RAPGEF4: variants seen among roughly 807,000 people sequenced by gnomAD.
RAPGEF4 encodes the protein RAP guanine-nucleotide-exchange factor (GEF) 4.
RAPGEF4 carries 66 observed loss-of-function variants against 147.9 expected under a neutral mutation model. The ratio of observed to expected loss-of-function variants is 0.45; its 90% CI spans 0.37 to 0.55. RAPGEF4 has a LOEUF of 0.55. RAPGEF4 is among the 20% of genes least tolerant of loss of function. The pLI, the probability that RAPGEF4 is intolerant of heterozygous loss-of-function variation, is 0.00. For missense variants in RAPGEF4, 1,071 were observed against 1,257.3 expected (o/e 0.85, Z 2.24); for synonymous variants, 419 against 442.7 (o/e 0.95, Z 0.67).
In RAPGEF4 at chr2:172,987,789, G is replaced by A. The variant is rs192979155; in HGVS notation, c.1151-407G>A. Among the ~76,000 whole-genome samples the A allele has an allele frequency of 7.9e-4, 121 of 152,320 alleles. 1 individual carries two copies. The South Asian group carries it at 0.023, about 29-fold the overall frequency. On this transcript the variant is annotated intron_variant, in intron 12 of 30. Transcript: ENST00000397081. ...ATTCCCCATGGATACGAAGGGACAA[G>A]TGTGTGTAGGTATGTATCTGTAAAC...
At chr2:173,048,998 C>T (rs1260624223) in intron 30 of RAPGEF4, among the ~76,000 whole-genome samples, 1 of 152,198 alleles carries the variant, frequency 6.6e-6, no homozygotes, top group Non-Finnish European at 1.5e-5. Flanking sequence ...TGACTCATTG[C>T]TCCATGTTGA....
At chr2:172,996,874 C>G (rs1205580774) in intron 16 of RAPGEF4, among the ~76,000 whole-genome samples, 1 of 152,188 alleles carries the variant, frequency 6.6e-6, no homozygotes, top group Non-Finnish European at 1.5e-5. Flanking sequence ...ATACATCCTA[C>G]CTATTCCCAC....
chr2:173,024,165 C>T (rs1696403337), intron 23 of RAPGEF4, among the ~76,000 whole-genome samples: 1 of 152,082 alleles, frequency 6.6e-6, no homozygotes, highest in Non-Finnish European at 1.5e-5. Context: ...AGGTGTTGTA[C>T]TGATCACACT....
At chr2:172,973,438 A>T (rs1043346373) in intron 10 of RAPGEF4, among the ~76,000 whole-genome samples, 1 of 152,186 alleles carries the variant, frequency 6.6e-6, no homozygotes, top group South Asian at 2.1e-4. Context: ...GCAGCAAAAA[A>T]ATAATATTTT....
chr2:173,021,156 G>A (rs1301605163), intron 23 of RAPGEF4, among the ~76,000 whole-genome samples: 2 of 152,268 alleles, frequency 1.3e-5, no homozygotes, highest in East Asian at 1.9e-4. Flanking sequence ...GCAGAAAATG[G>A]CAAAGTCCAG....
intron 4 of RAPGEF4, among the ~76,000 whole-genome samples, chr2:172,890,501 A>G (rs1356877164): frequency 1.3e-5 from 2 of 152,218 alleles, no homozygotes; most frequent in Non-Finnish European, 1.5e-5. Flanking sequence ...TTCTGCAAAT[A>G]AATAAACCAG....
chr2:172,775,808 G>C (rs771776709), intron 1 of RAPGEF4, among the ~76,000 whole-genome samples: 1 of 152,148 alleles, frequency 6.6e-6, no homozygotes, highest in African/African-American at 2.4e-5. Flanking sequence ...AAGACTGAGG[G>C]TTGTTGGGGG....
At chr2:173,020,068 T>C (rs965455648) in intron 22 of RAPGEF4, among the ~76,000 whole-genome samples, 1 of 152,366 alleles carries the variant, frequency 6.6e-6, no homozygotes, top group Admixed American at 6.5e-5. Flanking sequence ...AATAAATGTT[T>C]ATTAAATGAA....
At chr2:173,043,717 G>A (rs986059417) in intron 29 of RAPGEF4, among the ~76,000 whole-genome samples, 1 of 152,220 alleles carries the variant, frequency 6.6e-6, no homozygotes, top group African/African-American at 2.4e-5. Flanking sequence ...GAAGGGTGAC[G>A]CCTGCCAAGA....
At chr2:172,960,878 C>T in intron 7 of RAPGEF4, 65 bp downstream of exon 7, 2 of 1,332,344 alleles carry the variant, frequency 1.5e-6, no homozygotes, top group Admixed American at 4.2e-5. Flanking sequence ...TGGAGGTGGT[C>T]CATATGTCAG....
At chr2:172,759,841 T>A (rs1195178864) in intron 1 of RAPGEF4, among the ~76,000 whole-genome samples, 1 of 152,208 alleles carries the variant, frequency 6.6e-6, no homozygotes, top group African/African-American at 2.4e-5. Flanking sequence ...TTCCTATTCC[T>A]CCTACTAAGT....
chr2:172,935,966 G>A (rs1201303398), intron 6 of RAPGEF4, among the ~76,000 whole-genome samples: 2 of 152,168 alleles, frequency 1.3e-5, no homozygotes, highest in African/African-American at 2.4e-5. Flanking sequence ...TGCCTAAAAG[G>A]AGGTGTTTCT....
chr2:172,903,122 A>G (rs890742381), intron 4 of RAPGEF4, among the ~76,000 whole-genome samples: 5 of 152,082 alleles, frequency 3.3e-5, no homozygotes, highest in African/African-American at 7.2e-5. Flanking sequence ...TAATCTCAAC[A>G]CTGTGGGAGG....
intron 1 of RAPGEF4, among the ~76,000 whole-genome samples, chr2:172,778,091 G>C (rs1191896926): frequency 1.3e-5 from 2 of 152,198 alleles, no homozygotes; most frequent in African/African-American, 4.8e-5. Context: ...TGTTAGTGAA[G>C]TAAAGACACC....
At chr2:172,980,372 G>GT (rs1691547640) in intron 10 of RAPGEF4, among the ~76,000 whole-genome samples, 1 of 152,188 alleles carries the variant, frequency 6.6e-6, no homozygotes, top group Admixed American at 6.5e-5. Context: ...CAAGATTTAG[G>GT]TCTTGTCATT....
chr2:173,044,033 A>G (rs1164387707), intron 29 of RAPGEF4, among the ~76,000 whole-genome samples: 1 of 152,178 alleles, frequency 6.6e-6, no homozygotes, highest in Non-Finnish European at 1.5e-5. Flanking sequence ...CATGAGAGGA[A>G]CAGTATACAG....
chr2:173,042,120 G>A lies in RAPGEF4; in HGVS notation c.2853+5428G>A, dbSNP rs1194978777. On this transcript the variant is annotated intron_variant, in intron 29 of 30. Transcript: ENST00000397081. This position sits in a 1 kb window ranked among gnomAD's most constrained non-coding sequence, Gnocchi z 4.2. ...TTCCCTACCAGAATGTAAGTGCCCTGGCCCAGGTATCTGTTTTGTTCACTG... is the reference window on the plus strand; with the variant it reads ...TTCCCTACCAGAATGTAAGTGCCCTAGCCCAGGTATCTGTTTTGTTCACTG... Among the ~76,000 whole-genome samples the A allele has an allele frequency of 6.6e-6, 1 of 152,118 alleles. No homozygotes were observed. Among genetic ancestry groups the A allele is most frequent in the Non-Finnish European group, 1.5e-5 (1 of 68,024 alleles).
chr2:172,818,215 A>G (rs1198300265), intron 4 of RAPGEF4, among the ~76,000 whole-genome samples: 4 of 152,004 alleles, frequency 2.6e-5, no homozygotes, highest in Admixed American at 2.6e-4. Context: ...AGGATAAAAG[A>G]CTACCATTGG....
At chr2:172,782,517 C>G (rs1684777824) in intron 1 of RAPGEF4, among the ~76,000 whole-genome samples, 1 of 152,160 alleles carries the variant, frequency 6.6e-6, no homozygotes, top group Admixed American at 6.5e-5. Flanking sequence ...AACCCAAAGC[C>G]CTCCGTGGGC....
Sources: allele counts gnomAD v4.1 joint callset (sites outside exome capture counted in the v4.1 genomes callset), GRCh38; gene constraint gnomAD v4.1.1; non-coding constraint Gnocchi (gnomAD v3.1); transcripts MANE v1.5; gene names NCBI Gene and HGNC (gene_info 2026-07-23, HGNC 2026-07-21).